BTBD8: variants seen among roughly 807,000 people sequenced by gnomAD.
BTBD8 encodes BTB domain containing 8, also known as BTB/POZ domain-containing protein 8.
Under a neutral mutation model 162.9 loss-of-function variants are expected in BTBD8, and 110 were observed. That is an observed-to-expected ratio of 0.68 (90% CI 0.58 to 0.79). The LOEUF is 0.79. Among genes scored for constraint, BTBD8 ranks in the 30% least tolerant of loss-of-function variants. The pLI, the probability that BTBD8 is intolerant of heterozygous loss-of-function variation, is 0.00. For missense variants in BTBD8, 1,905 were observed against 2,085.4 expected, an observed-to-expected ratio of 0.91 and a Z score of 1.68; for synonymous variants, 667 against 716.1, an observed-to-expected ratio of 0.93 and a Z score of 1.10.
intron 4 of BTBD8, among the ~76,000 whole-genome samples, chr1:92,114,544 C>G (rs1476711142): frequency 6.6e-6 from 1 of 152,018 alleles, no homozygotes; most frequent in Non-Finnish European, 1.5e-5. Context: ...CAAATAGGCT[C>G]AATCATACTA....
At chr1:92,108,111 C>T in intron 4 of BTBD8, 110 bp downstream of exon 4, 5 of 1,040,668 alleles carry the variant, frequency 4.8e-6, no homozygotes, top group Non-Finnish European at 7.3e-6. Flanking sequence ...ACACAGGCCA[C>T]AGGGGTTCCA....
At chr1:92,086,203 C>T (rs112175279) in intron 1 of BTBD8, among the ~76,000 whole-genome samples, 264 of 152,240 alleles carry the variant, frequency 1.7e-3, no homozygotes, top group African/African-American at 6.1e-3. Context: ...CCCTGAGCCC[C>T]GGATTCCATC....
chr1:92,084,659 A>G (rs1648105244), intron 1 of BTBD8, among the ~76,000 whole-genome samples: 4 of 152,184 alleles, frequency 2.6e-5, no homozygotes, highest in Admixed American at 2.6e-4. Context: ...GCCTGCCACC[A>G]CTGGACTCTC....
At chr1:92,150,807 A>T (rs1432977910) in intron 9 of BTBD8, 1 of 152,218 alleles carries the variant, frequency 6.6e-6, no homozygotes, top group African/African-American at 2.4e-5. Context: ...ACCCATGCAG[A>T]CATGGGGAAA....
At chr1:92,091,849 G>T (rs1041322988) in intron 2 of BTBD8, among the ~76,000 whole-genome samples, 4 of 152,164 alleles carry the variant, frequency 2.6e-5, no homozygotes, top group African/African-American at 9.7e-5. Flanking sequence ...AAGGGATCTA[G>T]CTTCATTCTT....
intron 5 of BTBD8, among the ~76,000 whole-genome samples, chr1:92,137,263 A>G (rs1220558137): frequency 6.6e-6 from 1 of 152,184 alleles, no homozygotes. Context: ...TTTAAGCAGG[A>G]TACTATATCG....
intron 17 of BTBD8, 129 bp from the exon 18 acceptor site, chr1:92,183,735 A>C (rs570368): frequency 1.9e-6 from 1 of 539,626 alleles, no homozygotes; most frequent in Non-Finnish European, 3.1e-6. Flanking sequence ...TTTGTATAGA[A>C]GTTATTTTTC....
intron 4 of BTBD8, among the ~76,000 whole-genome samples, chr1:92,122,516 C>T (rs910500235): frequency 8.6e-5 from 13 of 151,896 alleles, no homozygotes; most frequent in African/African-American, 3.1e-4. Context: ...CTTGGCCTCC[C>T]AAAGTGCTGG....
intron 1 of BTBD8, among the ~76,000 whole-genome samples, chr1:92,084,084 G>A (rs1372406690): frequency 6.6e-6 from 1 of 152,134 alleles, no homozygotes; most frequent in African/African-American, 2.4e-5. Flanking sequence ...AAAGAGCCAA[G>A]TTATTCCTTC....
intron 4 of BTBD8, among the ~76,000 whole-genome samples, chr1:92,121,485 T>G (rs1649207931): frequency 1.3e-5 from 2 of 152,226 alleles, no homozygotes; most frequent in South Asian, 4.1e-4. Context: ...CCTTAAATAT[T>G]TATTAGAATT....
In BTBD8 at chr1:92,177,509, G is replaced by A. The variant is rs185615944; in HGVS notation, c.2316G>A (p.Met772Ile). The A allele has an allele frequency of 1.9e-4, 297 of 1,549,532 alleles. No homozygotes were observed. In the African/African-American group the frequency reaches 3.8e-3, roughly 20 times the overall value. ...TTTGTGATTCTCCAGGACAGATGATGAAAAACAGTGTAGATAGTGTCAAAA... is the reference window on the plus strand; with the variant it reads ...TTTGTGATTCTCCAGGACAGATGATAAAAAACAGTGTAGATAGTGTCAAAA... The part of the protein sequence containing the change: ...LSFCDSPGQM[M>I]KNSVDSVKNS... The change falls in exon 14 of 18, where the codon ATG becomes ATA. Residue 772 changes from methionine to isoleucine, a missense_variant. Coordinates refer to ENST00000636805, the MANE Select transcript of BTBD8 (RefSeq NM_001376131.1).
At chr1:92,082,370 T>C (rs1557433643) in intron 1 of BTBD8, among the ~76,000 whole-genome samples, 1 of 152,232 alleles carries the variant, frequency 6.6e-6, no homozygotes, top group Non-Finnish European at 1.5e-5. Flanking sequence ...CGGTACTAGG[T>C]CTTAAGTAAT....
chr1:92,144,508 A>G (rs1649862056), intron 7 of BTBD8, among the ~76,000 whole-genome samples: 1 of 151,184 alleles, frequency 6.6e-6, no homozygotes. Context: ...TTTTGTCACC[A>G]ATTAAAAGTA....
chr1:92,144,073 AAGCGATTCTCCTGCCTC>A (rs60573255), intron 7 of BTBD8, among the ~76,000 whole-genome samples: 7,792 of 146,038 alleles, frequency 0.053, 729 homozygotes, highest in African/African-American at 0.19. Context: ...TCCCAGGTTC[AAGCGATTCTCCTGCCTC>A]AGCCTCCCCA....
chr1:92,133,490 C>T (rs550902463), intron 5 of BTBD8, among the ~76,000 whole-genome samples: 2 of 152,352 alleles, frequency 1.3e-5, no homozygotes, highest in African/African-American at 4.8e-5. Context: ...TCTTTTGGAA[C>T]TGTGCCACTG....
At chr1:92,158,512 ACT>A (rs1294302976) in intron 9 of BTBD8, among the ~76,000 whole-genome samples, 2 of 151,598 alleles carry the variant, frequency 1.3e-5, no homozygotes, top group African/African-American at 4.9e-5. Context: ...CCACACATAC[ACT>A]CTGTTACTGA....
chr1:92,117,503 T>A (rs1394319769), intron 4 of BTBD8, among the ~76,000 whole-genome samples: 1 of 151,942 alleles, frequency 6.6e-6, no homozygotes, highest in Admixed American at 6.6e-5. Context: ...CTTTTCTTAG[T>A]GCCCCAAGTA....
chr1:92,105,157 C>A (rs922486089), intron 3 of BTBD8, among the ~76,000 whole-genome samples: 1 of 152,158 alleles, frequency 6.6e-6, no homozygotes, highest in East Asian at 1.9e-4. Context: ...TGGTCTTGAT[C>A]TCCTGACCTT....
intron 4 of BTBD8, chr1:92,126,423 A>T: frequency 1.1e-6 from 1 of 914,678 alleles, no homozygotes; most frequent in Non-Finnish European, 1.7e-6. Flanking sequence ...GACCTCCTCA[A>T]ACGAAACATC....
Sources: gnomAD v4.1 joint callset for allele counts (sites outside exome capture counted in the v4.1 genomes callset) on GRCh38, gnomAD v4.1.1 for gene constraint, MANE v1.5 for transcripts, NCBI Gene and HGNC (gene_info 2026-07-23, HGNC 2026-07-21) for gene names.